Variants in NR1H4 observed in about 807,000 individuals in gnomAD.
NR1H4 encodes the protein nuclear receptor subfamily 1 group H member 4, also known as bile acid receptor.
NR1H4 carries 23 observed loss-of-function variants against 58.5 expected under a neutral mutation model. The observed-to-expected ratio is 0.39, with a 90% CI of 0.28 to 0.56. NR1H4 has a LOEUF of 0.56. Among genes scored for constraint, NR1H4 ranks in the 20% least tolerant of loss-of-function variants. NR1H4 has a pLI of 0.58. For synonymous variants in NR1H4, 214 were observed against 198.0 expected (o/e 1.08, Z -0.68); for missense variants, 487 against 576.9 (o/e 0.84, Z 1.60).
intron 3 of NR1H4, among the ~76,000 whole-genome samples, chr12:100,493,815 T>C (rs909558579): frequency 9.9e-5 from 15 of 152,230 alleles, no homozygotes; most frequent in African/African-American, 3.6e-4. Flanking sequence ...GATTTCCTTT[T>C]GCAGTTCCTC....
At chr12:100,498,167 C>T (rs1361112471) in intron 3 of NR1H4, among the ~76,000 whole-genome samples, 1 of 152,206 alleles carries the variant, frequency 6.6e-6, no homozygotes, top group Non-Finnish European at 1.5e-5. Flanking sequence ...TGGGAAAGCG[C>T]TCTGTAAGCT....
At chr12:100,507,437 T>C (rs996406801) in intron 3 of NR1H4, among the ~76,000 whole-genome samples, 2 of 151,910 alleles carry the variant, frequency 1.3e-5, no homozygotes, top group African/African-American at 4.8e-5. Context: ...CTCGTTTTTT[T>C]GTTTGTTTAT....
At chr12:100,554,392 A>AACAC (rs60582622) in intron 9 of NR1H4, among the ~76,000 whole-genome samples, 8,048 of 148,036 alleles carry the variant, frequency 0.054, 309 homozygotes, top group South Asian at 0.18. Context: ...ACTTGTAAAT[A>AACAC]ACACACACAC....
At chr12:100,532,317 T>G in intron 4 of NR1H4, 141 bp from the exon 5 acceptor site, 1 of 687,954 alleles carries the variant, frequency 1.5e-6, no homozygotes, top group Non-Finnish European at 2.6e-6. Context: ...ATAAAGTATT[T>G]GTCACTGGTG....
At chr12:100,524,666 TG>T (rs916756751) in intron 4 of NR1H4, among the ~76,000 whole-genome samples, 1 of 152,178 alleles carries the variant, frequency 6.6e-6, no homozygotes, top group African/African-American at 2.4e-5. Context: ...CAAAGTCAAA[TG>T]GTAAGAAGGG....
intron 4 of NR1H4, among the ~76,000 whole-genome samples, chr12:100,531,546 A>G (rs1954693176): frequency 6.6e-6 from 1 of 152,244 alleles, no homozygotes; most frequent in Non-Finnish European, 1.5e-5. Flanking sequence ...ACAACTTTGA[A>G]AACTTGCTAT....
chr12:100,479,246 T>C (rs1953330881), intron 1 of NR1H4, among the ~76,000 whole-genome samples: 1 of 152,238 alleles, frequency 6.6e-6, no homozygotes, highest in Non-Finnish European at 1.5e-5. Context: ...ATTCTTTTCC[T>C]ATTTACTTCT....
chr12:100,491,704 G>A (rs540473328), intron 1 of NR1H4, among the ~76,000 whole-genome samples: 136 of 151,966 alleles, frequency 8.9e-4, no homozygotes, highest in Non-Finnish European at 1.8e-3. Context: ...GGGCTATGCC[G>A]TGGGTTTACC....
intron 9 of NR1H4, among the ~76,000 whole-genome samples, chr12:100,558,349 C>CAAAAA (rs10617220): frequency 1.3e-5 from 1 of 79,966 alleles, no homozygotes; most frequent in Non-Finnish European, 2.3e-5. Flanking sequence ...GATTCCATCT[C>CAAAAA]AAAAAAAAAA....
At chr12:100,558,396 TCA>T (rs996668209) in intron 9 of NR1H4, among the ~76,000 whole-genome samples, 13 of 148,154 alleles carry the variant, frequency 8.8e-5, no homozygotes, top group Non-Finnish European at 1.9e-4. Context: ...TCTCACTTTG[TCA>T]CACAGACTGG....
At chr12:100,545,837 T>C (rs1955057279) in intron 9 of NR1H4, among the ~76,000 whole-genome samples, 1 of 151,676 alleles carries the variant, frequency 6.6e-6, no homozygotes, top group Non-Finnish European at 1.5e-5. Context: ...CAGAAGTTAA[T>C]TGGGGGAAAT....
chr12:100,518,635 T>A (rs1010921905), intron 4 of NR1H4, among the ~76,000 whole-genome samples: 7 of 152,082 alleles, frequency 4.6e-5, no homozygotes, highest in African/African-American at 1.7e-4. Flanking sequence ...CAGCCTCTGT[T>A]GCAACTAATC....
intron 3 of NR1H4, chr12:100,505,605 T>C (rs1593064011): frequency 2.8e-6 from 2 of 701,978 alleles, no homozygotes; most frequent in Non-Finnish European, 5.2e-6. Flanking sequence ...AGTCCATCCA[T>C]GTGTTCTCAT....
At chr12:100,545,937 G>A (rs550562842) in intron 9 of NR1H4, among the ~76,000 whole-genome samples, 1 of 152,240 alleles carries the variant, frequency 6.6e-6, no homozygotes, top group South Asian at 2.1e-4. Flanking sequence ...AGTGGAGCAG[G>A]AAGGCATGAT....
chr12:100,517,592 T>G (rs1299328107), intron 4 of NR1H4, among the ~76,000 whole-genome samples: 1 of 152,226 alleles, frequency 6.6e-6, no homozygotes, highest in African/African-American at 2.4e-5. Context: ...TTTTTAATTT[T>G]GTGAGGAAAC....
At chr12:100,514,940 A>G (rs1295457405) in intron 4 of NR1H4, among the ~76,000 whole-genome samples, 1 of 152,136 alleles carries the variant, frequency 6.6e-6, no homozygotes. Flanking sequence ...ATAATGAAGT[A>G]TATTAGATTG....
Position 100,473,889 on chromosome 12 carries a change from CA to C in NR1H4, c.-359del, listed in dbSNP as rs1273077983. 2 of 152,278 alleles carry C rather than the reference CA, an allele frequency of 1.3e-5. No homozygotes were observed. The highest frequency in any genetic ancestry group is 2.9e-5 in the Non-Finnish European group (2 of 68,098). 9.4% of individuals were successfully genotyped at this position (152,278 alleles called of 1,614,324 possible). A position where few individuals can be genotyped will look rare whatever the true frequency, so the allele number is the denominator to read the frequency against. On this transcript the variant is annotated 5_prime_UTR_variant, in exon 1 of 11. It removes the in-frame stop codon of an upstream open reading frame in the 5' UTR. Transcript: ENST00000392986. ...CCAGAAGGCCGCCTGTGATCATGCA[CA>C]GTACACTGGAACTCTCTCCTCCTCC...
chr12:100,490,584 T>C (rs971956213), intron 1 of NR1H4, among the ~76,000 whole-genome samples: 1 of 152,170 alleles, frequency 6.6e-6, no homozygotes, highest in Non-Finnish European at 1.5e-5. Context: ...GAACAATAAT[T>C]GCCTAAATTT....
intron 4 of NR1H4, among the ~76,000 whole-genome samples, chr12:100,513,566 G>GGGGGGATCACCTAAGGTC (rs1214176213): frequency 6.6e-6 from 1 of 152,130 alleles, no homozygotes; most frequent in African/African-American, 2.4e-5. Flanking sequence ...AGGCCGAGGT[G>GGGGGGATCACCTAAGGTC]GGGGGATCAC....
Sources: gnomAD v4.1 joint callset for allele counts (sites outside exome capture counted in the v4.1 genomes callset) on GRCh38, gnomAD v4.1.1 for gene constraint, MANE v1.5 for transcripts, NCBI Gene and HGNC (gene_info 2026-07-23, HGNC 2026-07-21) for gene names.